The following FAM219A variants were observed in gnomAD, a reference collection of about 807,000 sequenced individuals.
FAM219A encodes the protein protein FAM219A.
A neutral mutation model predicts 23.4 loss-of-function variants in FAM219A; 7 were observed. That is an observed-to-expected ratio of 0.30 (90% confidence interval 0.17 to 0.56). The LOEUF (loss-of-function observed/expected upper bound fraction) is 0.56. Among genes scored for constraint, FAM219A ranks in the 20% least tolerant of loss-of-function variants. The probability of loss-of-function intolerance (pLI) is 0.92; values close to 1 mark genes in which losing one functional copy is unlikely to be tolerated. For synonymous variants in FAM219A, 93 were observed against 99.0 expected (o/e 0.94, Z 0.36); for missense variants, 166 against 246.9 (o/e 0.67, Z 2.20).
chr9:34,438,882 G>T (rs1361802992), intron 1 of FAM219A, among the ~76,000 whole-genome samples: 1 of 152,226 alleles, frequency 6.6e-6, no homozygotes, highest in Non-Finnish European at 1.5e-5. Flanking sequence ...CACTGTGGAA[G>T]CTTTGTTCTT....
chr9:34,426,206 T>C (rs1250886821), intron 1 of FAM219A, among the ~76,000 whole-genome samples: 1 of 152,204 alleles, frequency 6.6e-6, no homozygotes, highest in African/African-American at 2.4e-5. Flanking sequence ...TTTCACTCTT[T>C]CCACCACTCC....
chr9:34,436,427 G>A (rs1185849878), intron 1 of FAM219A, among the ~76,000 whole-genome samples: 2 of 151,572 alleles, frequency 1.3e-5, no homozygotes, highest in African/African-American at 4.9e-5. Context: ...AAAAATTTTT[G>A]TAGAGATGGG....
intron 1 of FAM219A, among the ~76,000 whole-genome samples, chr9:34,418,891 G>A (rs1032706833): frequency 5.9e-5 from 9 of 152,184 alleles, no homozygotes; most frequent in South Asian, 4.2e-4. Context: ...ACAACACAGC[G>A]AAACCCTGTC....
intron 1 of FAM219A, among the ~76,000 whole-genome samples, chr9:34,451,715 A>G (rs1823569308): frequency 6.6e-6 from 1 of 152,122 alleles, no homozygotes; most frequent in Non-Finnish European, 1.5e-5. Context: ...CTACCACAGA[A>G]GCACCTACCC....
chr9:34,458,547 G>T lies in FAM219A; in HGVS notation c.-284C>A, dbSNP rs928385748. 9 of 382,750 alleles carry T rather than the reference G, an allele frequency of 2.4e-5. No individual in the cohort carries two copies. Among genetic ancestry groups the T allele is most frequent in the South Asian group, 1.4e-4 (4 of 28,524 alleles). 23.7% of individuals were successfully genotyped at this position (382,750 alleles called of 1,614,324 possible). A position where few individuals can be genotyped will look rare whatever the true frequency, so the allele number is the denominator to read the frequency against. The stretch of plus-strand genomic sequence containing the variant: ...CCTACTCCGCTGCCGCCTCCTGTCA[G>T]CAGCTCAGCCACTGCGGTGACTCGG... On this transcript the variant is annotated 5_prime_UTR_variant, in exon 1 of 6. It adds an upstream start codon to the 5' untranslated region. Transcript: ENST00000651358. The surrounding 1 kb of genome is among the most constrained non-coding windows in gnomAD (Gnocchi z 6.6).
chr9:34,437,356 C>T (rs1282560926), intron 1 of FAM219A, among the ~76,000 whole-genome samples: 1 of 152,192 alleles, frequency 6.6e-6, no homozygotes. Flanking sequence ...GACCCTGAGA[C>T]ATATATACCC....
intron 1 of FAM219A, among the ~76,000 whole-genome samples, chr9:34,413,726 A>G (rs1821904833): frequency 6.6e-6 from 1 of 152,224 alleles, no homozygotes; most frequent in Admixed American, 6.5e-5. Flanking sequence ...CTTCTGGAAT[A>G]AAGTCGTGCC....
chr9:34,405,812 C>T, intron 2 of FAM219A, 53 bp downstream of exon 2: 2 of 1,553,478 alleles, frequency 1.3e-6, no homozygotes, highest in Non-Finnish European at 8.8e-7. Flanking sequence ...TAGACCCAGC[C>T]CAGAGTATCT....
intron 1 of FAM219A, among the ~76,000 whole-genome samples, chr9:34,455,583 C>T (rs1397950258): frequency 2.0e-5 from 3 of 151,734 alleles, no homozygotes; most frequent in East Asian, 3.9e-4. Flanking sequence ...CCTCCTGCCT[C>T]GGCCTCCTGA....
intron 1 of FAM219A, among the ~76,000 whole-genome samples, chr9:34,427,241 G>A (rs534665589): frequency 2.4e-4 from 36 of 151,918 alleles, no homozygotes; most frequent in Non-Finnish European, 2.5e-4. Context: ...GCGCAATCTC[G>A]GCTCACTGCA....
intron 1 of FAM219A, among the ~76,000 whole-genome samples, chr9:34,453,672 G>A (rs1380364334): frequency 6.6e-6 from 1 of 152,190 alleles, no homozygotes; most frequent in Non-Finnish European, 1.5e-5. Flanking sequence ...TCTTTCAGCT[G>A]TGCAGAGACC....
At chr9:34,456,764 G>C (rs188747180) in intron 1 of FAM219A, among the ~76,000 whole-genome samples, 1 of 152,254 alleles carries the variant, frequency 6.6e-6, no homozygotes, top group South Asian at 2.1e-4. Context: ...ACCTCTCTCC[G>C]GTTTAATATT....
intron 4 of FAM219A, chr9:34,402,171 G>C (rs1563996695): frequency 6.8e-7 from 1 of 1,479,506 alleles, no homozygotes; most frequent in East Asian, 2.5e-5. Context: ...GATGACAGCA[G>C]ACAACGCAGG....
chr9:34,424,635 G>A (rs1354155209), intron 1 of FAM219A, among the ~76,000 whole-genome samples: 1 of 151,878 alleles, frequency 6.6e-6, no homozygotes, highest in Non-Finnish European at 1.5e-5. Context: ...CTTGAGGCAG[G>A]GGGCCAAAGC....
intron 1 of FAM219A, among the ~76,000 whole-genome samples, chr9:34,438,291 C>T (rs1172050723): frequency 1.3e-5 from 2 of 152,230 alleles, no homozygotes; most frequent in Non-Finnish European, 1.5e-5. Flanking sequence ...TGCTCCACGG[C>T]GCCCAGTCCC....
chr9:34,440,228 A>G (rs909816305), intron 1 of FAM219A, among the ~76,000 whole-genome samples: 2 of 152,202 alleles, frequency 1.3e-5, no homozygotes, highest in African/African-American at 4.8e-5. Context: ...TTCCTGCTCC[A>G]TCAGATGCTC....
Position 34,398,308 on chromosome 9 carries a change from T to C in FAM219A, c.*2656A>G, listed in dbSNP as rs1821287960. ...ACACGGCTCATGTCTTCCACACACC[T>C]TCCTGGAAATAAATTAGTGAGCACG... On this transcript the variant is annotated 3_prime_UTR_variant, in exon 6 of 6. Transcript: ENST00000651358. 3 of 1,550,796 alleles carry C rather than the reference T, an allele frequency of 1.9e-6. No homozygotes were observed. Among genetic ancestry groups the C allele is most frequent in the African/African-American group, 2.7e-5 (2 of 73,162 alleles).
At chr9:34,440,997 A>G (rs909903241) in intron 1 of FAM219A, among the ~76,000 whole-genome samples, 4 of 152,124 alleles carry the variant, frequency 2.6e-5, no homozygotes, top group Non-Finnish European at 4.4e-5. Context: ...CCTCTCGAGT[A>G]GCTGGGACTC....
chr9:34,406,352 G>A (rs1209754976), intron 1 of FAM219A: 3 of 985,402 alleles, frequency 3.0e-6, no homozygotes, highest in Non-Finnish European at 3.6e-6. Flanking sequence ...CTAGGTTCCT[G>A]TGAGTTTAAG....
Sources: allele counts gnomAD v4.1 joint callset (sites outside exome capture counted in the v4.1 genomes callset), GRCh38; gene constraint gnomAD v4.1.1; non-coding constraint Gnocchi (gnomAD v3.1); transcripts MANE v1.5; gene names NCBI Gene and HGNC (gene_info 2026-07-23, HGNC 2026-07-21).